The following SPANXN2 variants were observed in gnomAD, a reference collection of about 807,000 sequenced individuals.
The protein encoded by SPANXN2 is SPANX family member N2.
In SPANXN2, 1 loss-of-function variant was observed where a neutral mutation model predicts 2.0. The observed-to-expected ratio is 0.50, with a 90% CI of 0.18 to 2.36. SPANXN2 has a LOEUF of 2.36. Among genes scored for constraint, SPANXN2 ranks in the 30% most tolerant of loss-of-function variants. The pLI is 0.26. For missense variants in SPANXN2, 88 were observed against 116.7 expected (o/e 0.75, Z 1.13); for synonymous variants, 43 against 49.8 (o/e 0.86, Z 0.58).
exon 2 of SPANXN2, chrX:143,711,958 G>A: frequency 8.4e-7 from 1 of 1,195,376 alleles, no homozygotes; most frequent in African/African-American, 1.7e-5. Context: ...ACGGTCATCA[G>A]CTCCTCAAAC....
intron 1 of SPANXN2, among the ~76,000 whole-genome samples, chrX:143,715,499 C>G (rs1476840249): frequency 9.1e-6 from 1 of 109,734 alleles, no homozygotes; most frequent in Non-Finnish European, 1.9e-5. Context: ...GCTTCCCTCT[C>G]CCCCCACTCA....
At chrX:143,720,513 G>C in intron 1 of SPANXN2, 78 bp downstream of exon 1, 1 of 1,072,559 alleles carries the variant, frequency 9.3e-7, no homozygotes. Flanking sequence ...CAGTATTCCT[G>C]TGTTGCTGTT....
intron 1 of SPANXN2, among the ~76,000 whole-genome samples, chrX:143,719,549 A>T (rs113286912): frequency 1.8e-5 from 2 of 111,676 alleles, no homozygotes; most frequent in Non-Finnish European, 3.8e-5. Flanking sequence ...CCTTCTCATG[A>T]CTTGCCACCA....
At chrX:143,720,347 A>G (rs186369141) in intron 1 of SPANXN2, among the ~76,000 whole-genome samples, 2,090 of 101,427 alleles carry the variant, frequency 0.021, 81 homozygotes, top group African/African-American at 0.073. Context: ...TGGAAAAAGG[A>G]CCAAACAGCC....
intron 1 of SPANXN2, 66 bp from the exon 2 acceptor site, chrX:143,712,565 G>C: frequency 9.8e-7 from 1 of 1,015,587 alleles, no homozygotes; most frequent in Non-Finnish European, 1.3e-6. Flanking sequence ...AGACTGGATA[G>C]CAAGGGGGGC....
rs1569482823 is a variant in SPANXN2 at position 143,720,578 on chromosome X, C to G, written c.78+13G>C. The G allele has an allele frequency of 5.0e-6, 6 of 1,208,285 alleles. No individual in the cohort carries two copies. In the Middle Eastern group the frequency reaches 9.2e-4, roughly 185 times the overall value. ...TTCACCCTCACCTTCCCTTCAAAAC[C>G]TAACAATCTTACCTCATCATTTTTT... On this transcript the variant is annotated intron_variant, in intron 1 of 1. Coordinates refer to ENST00000598475, the Ensembl canonical transcript of SPANXN2.
In SPANXN2 at chrX:143,717,410, C is replaced by T. The variant is rs782493111; in HGVS notation, c.78+3181G>A. Among the ~76,000 whole-genome samples the T allele has an allele frequency of 1.1e-4, 12 of 111,505 alleles. No individual in the cohort carries two copies. The South Asian group carries it at 3.1e-3, about 29-fold the overall frequency. ...ACCGAAAGGCTACAGATGCCAAAAC[C>T]GAGAAAAACCTTTCAACAAATTCGG... On this transcript the variant is annotated intron_variant, in intron 1 of 1. Transcript: ENST00000598475.
intron 1 of SPANXN2, among the ~76,000 whole-genome samples, chrX:143,719,662 T>A (rs1556450575): frequency 8.9e-6 from 1 of 111,755 alleles, no homozygotes. Context: ...TGCACCCTTG[T>A]GTTTCAATCT....
At chrX:143,718,588 AT>A (rs1406479668) in intron 1 of SPANXN2, among the ~76,000 whole-genome samples, 3 of 111,757 alleles carry the variant, frequency 2.7e-5, no homozygotes, top group Middle Eastern at 4.2e-3. Context: ...TCACCCCCAA[AT>A]TATTCTCCTT....
rs200898233 is a variant in SPANXN2, at chrX:143,712,281, G to A, written c.297C>T (p.Asp99=). 10 of 1,209,948 alleles carry A rather than the reference G, an allele frequency of 8.3e-6. No homozygotes were observed. In the East Asian group the frequency reaches 1.2e-4, roughly 14 times the overall value. Residue 99 remains aspartate (D), a synonymous_variant, in exon 2 of 2, where the codon GAC becomes GAT. Coordinates refer to ENST00000598475, the Ensembl canonical transcript of SPANXN2. ...ATCCTTCAGATGAGTCCAGGTCTTCGTCCTCCTGTGAAGATCCTTCAGCTG... is the reference window on the plus strand; with the variant it reads ...ATCCTTCAGATGAGTCCAGGTCTTCATCCTCCTGTGAAGATCCTTCAGCTG...
At chrX:143,716,991 C>T (rs1219303823) in intron 1 of SPANXN2, among the ~76,000 whole-genome samples, 2 of 112,246 alleles carry the variant, frequency 1.8e-5, no homozygotes, top group African/African-American at 3.2e-5. Context: ...CCTCTCCTCC[C>T]CCTTCCAACA....
intron 1 of SPANXN2, among the ~76,000 whole-genome samples, chrX:143,716,992 C>A (rs1369183711): frequency 8.9e-6 from 1 of 112,266 alleles, no homozygotes; most frequent in African/African-American, 3.2e-5. Context: ...CTCTCCTCCC[C>A]CTTCCAACAC....
At chrX:143,716,329 T>A (rs1459406931) in intron 1 of SPANXN2, among the ~76,000 whole-genome samples, 1 of 110,508 alleles carries the variant, frequency 9.0e-6, no homozygotes, top group South Asian at 3.9e-4. Context: ...AGGAGCCAAT[T>A]TGGGACATGC....
At chrX:143,720,562 A>G (rs1325481442) in intron 1 of SPANXN2, 29 bp downstream of exon 1, 15 of 1,193,468 alleles carry the variant, frequency 1.3e-5, no homozygotes, top group Non-Finnish European at 1.7e-5. Context: ...TTTCACCCTC[A>G]CCTTCCCTTC....
At chrX:143,715,156 C>T (rs1400433502) in intron 1 of SPANXN2, among the ~76,000 whole-genome samples, 26 of 111,460 alleles carry the variant, frequency 2.3e-4, no homozygotes, top group African/African-American at 8.5e-4. Context: ...ATCACCACCT[C>T]GGAACCCAGG....
chrX:143,720,239 ATCG>A (rs1211179391), intron 1 of SPANXN2, among the ~76,000 whole-genome samples: 1 of 111,343 alleles, frequency 9.0e-6, no homozygotes, highest in Non-Finnish European at 1.9e-5. Context: ...ATCTTGCCTA[ATCG>A]TCGTAACACA....
At chrX:143,718,278 C>T (rs1317858969) in intron 1 of SPANXN2, among the ~76,000 whole-genome samples, 1 of 111,279 alleles carries the variant, frequency 9.0e-6, no homozygotes, top group Non-Finnish European at 1.9e-5. Context: ...CTGTATTTTC[C>T]CCCCATTCTA....
exon 1 of SPANXN2, chrX:143,720,720 T>C (rs781877460): frequency 2.6e-6 from 3 of 1,169,134 alleles, no homozygotes; most frequent in East Asian, 6.0e-5. Flanking sequence ...GACTGCAGAC[T>C]TCCACAGCTA....
intron 1 of SPANXN2, among the ~76,000 whole-genome samples, chrX:143,719,785 G>A (rs1384175691): frequency 1.8e-5 from 2 of 110,728 alleles, no homozygotes; most frequent in East Asian, 2.9e-4. Flanking sequence ...AGTGTTAGCA[G>A]AACTAAACAT....
Sources: gnomAD v4.1 joint callset for allele counts (sites outside exome capture counted in the v4.1 genomes callset) on GRCh38, gnomAD v4.1.1 for gene constraint, MANE v1.5 for transcripts, NCBI Gene and HGNC (gene_info 2026-07-23, HGNC 2026-07-21) for gene names.